NAV2: variants seen among roughly 807,000 people sequenced by gnomAD.
The protein encoded by NAV2 is neuron navigator 2.
NAV2 carries 54 observed loss-of-function variants against 223.2 expected under a neutral mutation model. That is an observed-to-expected ratio of 0.24 (90% CI 0.19 to 0.30). NAV2 has a LOEUF of 0.30. NAV2 is among the 10% of genes least tolerant of loss of function. NAV2 has a pLI of 1.00. For synonymous variants in NAV2, 1,279 were observed against 1,239.3 expected (o/e 1.03, Z -0.67); for missense variants, 2,806 against 3,147.5 (o/e 0.89, Z 2.60).
intron 24 of NAV2, among the ~76,000 whole-genome samples, chr11:20,079,515 C>T (rs1226733852): frequency 1.3e-5 from 2 of 152,128 alleles, no homozygotes; most frequent in African/African-American, 4.8e-5. Context: ...TTTTCAATAT[C>T]GGTGTTGTTT....
intron 1 of NAV2, among the ~76,000 whole-genome samples, chr11:19,460,910 A>G (rs1852134762): frequency 6.6e-6 from 1 of 152,108 alleles, no homozygotes; most frequent in Non-Finnish European, 1.5e-5. Flanking sequence ...CTGTACACTC[A>G]TCCCCTTCTA....
At chr11:19,554,546 G>T (rs542982982) in intron 1 of NAV2, among the ~76,000 whole-genome samples, 1 of 152,302 alleles carries the variant, frequency 6.6e-6, no homozygotes, top group African/African-American at 2.4e-5. Flanking sequence ...TGCTGGTCTG[G>T]CTTTGTGTTC....
At chr11:19,977,379 G>A (rs188521944) in intron 10 of NAV2, among the ~76,000 whole-genome samples, 39 of 152,328 alleles carry the variant, frequency 2.6e-4, no homozygotes, top group African/African-American at 7.9e-4. Context: ...GTTGTTGTTG[G>A]TTTTGTTTCA....
intron 1 of NAV2, among the ~76,000 whole-genome samples, chr11:19,525,096 T>C (rs951649261): frequency 9.9e-5 from 15 of 152,210 alleles, no homozygotes; most frequent in African/African-American, 3.6e-4. Context: ...GGTCATAAAT[T>C]CAAGCTAAAG....
At chr11:19,923,666 G>T (rs1211869917) in intron 6 of NAV2, among the ~76,000 whole-genome samples, 1 of 152,308 alleles carries the variant, frequency 6.6e-6, no homozygotes, top group African/African-American at 2.4e-5. Context: ...ATTGCATTCT[G>T]CCAAAAAGCT....
intron 11 of NAV2, among the ~76,000 whole-genome samples, chr11:19,993,964 G>C (rs1171651833): frequency 6.6e-6 from 1 of 152,206 alleles, no homozygotes; most frequent in African/African-American, 2.4e-5. Context: ...CGATCAAGTA[G>C]AGAGAGAAAG....
chr11:19,687,243 A>G lies in NAV2; in HGVS notation c.76-145241A>G, dbSNP rs557880072. On this transcript the variant is annotated intron_variant, in intron 1 of 37. Coordinates refer to the NAV2 transcript ENST00000360655. ...CGAAACACTGGTAGCCCTGGGAGCC[A>G]TACAGCAGCTCTTGGCTGCATTGAC... 2.6e-5 allele frequency among the ~76,000 whole-genome samples: 4 copies of G among 152,362 alleles called. No individual in the cohort carries two copies. In the South Asian group the frequency reaches 6.2e-4, roughly 24 times the overall value.
intron 10 of NAV2, among the ~76,000 whole-genome samples, chr11:19,974,665 G>A (rs12787908): frequency 3.9e-5 from 6 of 152,172 alleles, no homozygotes; most frequent in African/African-American, 1.4e-4. Flanking sequence ...TGTAGTCCCA[G>A]CTGCTCAGGA....
At chr11:19,640,671 T>A (rs565187623) in intron 1 of NAV2, among the ~76,000 whole-genome samples, 2 of 152,190 alleles carry the variant, frequency 1.3e-5, no homozygotes, top group South Asian at 4.2e-4. Context: ...AGGATAAGGA[T>A]AAAAGGATGG....
At chr11:19,928,134 G>A (rs900705115) in intron 6 of NAV2, among the ~76,000 whole-genome samples, 6 of 152,174 alleles carry the variant, frequency 3.9e-5, no homozygotes, top group African/African-American at 9.7e-5. Flanking sequence ...TTGATTTAAT[G>A]TAACAGTGTT....
upstream of NAV2, among the ~76,000 whole-genome samples, chr11:19,347,029 C>A (rs1257341875): frequency 1.3e-5 from 2 of 152,176 alleles, no homozygotes; most frequent in Non-Finnish European, 2.9e-5. Context: ...GGCCCCCAAC[C>A]CTCCAACCTT....
At chr11:19,811,872 A>G (rs1160407602) in intron 1 of NAV2, among the ~76,000 whole-genome samples, 2 of 152,206 alleles carry the variant, frequency 1.3e-5, no homozygotes, top group Admixed American at 1.3e-4. Flanking sequence ...ACTATGTGCT[A>G]TGCCCTGGTC....
intron 1 of NAV2, among the ~76,000 whole-genome samples, chr11:19,798,750 C>T (rs2058065919): frequency 6.6e-6 from 1 of 152,134 alleles, no homozygotes; most frequent in South Asian, 2.1e-4. Context: ...AACCGAGGTT[C>T]TGATATATTA....
At chr11:20,045,701 AAC>A in intron 14 of NAV2, 31 bp downstream of exon 14, 1 of 1,538,970 alleles carries the variant, frequency 6.5e-7, no homozygotes. Context: ...TGCAGAGCAG[AAC>A]CAGAATACAG....
At chr11:19,944,912 CTCTT>C (rs745679509) in intron 8 of NAV2, among the ~76,000 whole-genome samples, 17 of 142,858 alleles carry the variant, frequency 1.2e-4, no homozygotes, top group African/African-American at 2.6e-4. Flanking sequence ...TCCTTTCCTT[CTCTT>C]TCTTTCTTTT....
At chr11:20,001,321 A>C (rs1424917855) in intron 11 of NAV2, among the ~76,000 whole-genome samples, 1 of 151,966 alleles carries the variant, frequency 6.6e-6, no homozygotes, top group Non-Finnish European at 1.5e-5. Context: ...TTTAAGTCTA[A>C]CCAAATCTTT....
intron 1 of NAV2, among the ~76,000 whole-genome samples, chr11:19,390,668 A>G (rs1279651006): frequency 1.3e-5 from 2 of 152,166 alleles, no homozygotes; most frequent in Non-Finnish European, 2.9e-5. Flanking sequence ...TTTGCCTGCT[A>G]TGAGGAAAGT....
intron 1 of NAV2, among the ~76,000 whole-genome samples, chr11:19,400,016 G>T (rs1038329467): frequency 9.2e-5 from 14 of 152,214 alleles, no homozygotes; most frequent in African/African-American, 2.9e-4. Context: ...GAGACTATGA[G>T]AATATGGGAA....
At chr11:19,803,761 A>G (rs908638649) in intron 1 of NAV2, among the ~76,000 whole-genome samples, 1 of 152,262 alleles carries the variant, frequency 6.6e-6, no homozygotes, top group Non-Finnish European at 1.5e-5. Flanking sequence ...TTGCAATGGA[A>G]AAATTCTGCA....
Sources: gnomAD v4.1 joint callset for allele counts (sites outside exome capture counted in the v4.1 genomes callset) on GRCh38, gnomAD v4.1.1 for gene constraint, MANE v1.5 for transcripts, NCBI Gene and HGNC (gene_info 2026-07-23, HGNC 2026-07-21) for gene names.